Variants in CNTN4 observed in about 807,000 individuals in gnomAD.
CNTN4 encodes contactin-4.
A neutral mutation model predicts 122.5 loss-of-function variants in CNTN4; 77 were observed. The ratio of observed to expected loss-of-function variants is 0.63; its 90% CI spans 0.52 to 0.76. The LOEUF (loss-of-function observed/expected upper bound fraction) is 0.76, where lower values mean the gene tolerates loss of function less well. Ranked by LOEUF, CNTN4 falls within the 30% of genes least tolerant of loss-of-function variation. The pLI is 0.00. For synonymous variants in CNTN4, 512 were observed against 447.0 expected (o/e 1.15, Z -1.83); for missense variants, 1,256 against 1,259.1 (o/e 1.00, Z 0.04).
chr3:2,445,183 A>T (rs544168107), intron 3 of CNTN4, among the ~76,000 whole-genome samples: 8 of 152,194 alleles, frequency 5.3e-5, no homozygotes, highest in African/African-American at 1.9e-4. Flanking sequence ...AGCTCTCCTA[A>T]AATGATGGGA....
chr3:2,319,163 A>T (rs6786307), intron 2 of CNTN4, among the ~76,000 whole-genome samples: 30,375 of 152,126 alleles, frequency 0.2, 3,431 homozygotes, highest in Non-Finnish European at 0.25. Flanking sequence ...TAATCAATAT[A>T]TATCAAATGC....
chr3:2,866,045 T>G (rs1476966471), intron 7 of CNTN4, among the ~76,000 whole-genome samples: 2 of 152,160 alleles, frequency 1.3e-5, no homozygotes, highest in Non-Finnish European at 2.9e-5. Context: ...GTATACTTAA[T>G]GAGTGTTTGC....
chr3:2,214,951 A>C (rs1007499860), intron 2 of CNTN4, among the ~76,000 whole-genome samples: 1 of 152,244 alleles, frequency 6.6e-6, no homozygotes, highest in Non-Finnish European at 1.5e-5. Flanking sequence ...AAATATTCAA[A>C]ACATAATGTA....
At chr3:2,401,066 C>G (rs2046840115) in intron 3 of CNTN4, among the ~76,000 whole-genome samples, 1 of 152,074 alleles carries the variant, frequency 6.6e-6, no homozygotes. Context: ...ATACCAGATA[C>G]TGAAATGGCT....
intron 14 of CNTN4, among the ~76,000 whole-genome samples, chr3:3,020,733 G>A (rs924494906): frequency 1.3e-5 from 2 of 152,156 alleles, no homozygotes; most frequent in African/African-American, 4.8e-5. Flanking sequence ...CTACTTTGGG[G>A]CAATGCAAAA....
intron 3 of CNTN4, among the ~76,000 whole-genome samples, chr3:2,413,650 TCTC>T (rs574314716): frequency 2.4e-3 from 366 of 152,146 alleles, no homozygotes; most frequent in African/African-American, 8.5e-3. Flanking sequence ...TTCAAGTGAT[TCTC>T]CTGCCTCAGC....
intron 4 of CNTN4, among the ~76,000 whole-genome samples, chr3:2,684,217 G>A (rs2085315339): frequency 6.6e-6 from 1 of 152,114 alleles, no homozygotes; most frequent in Non-Finnish European, 1.5e-5. Flanking sequence ...GGATTTGAAA[G>A]CCAATCATTT....
intron 6 of CNTN4, among the ~76,000 whole-genome samples, chr3:2,765,599 T>G (rs2090821921): frequency 6.6e-6 from 1 of 152,206 alleles, no homozygotes; most frequent in African/African-American, 2.4e-5. Flanking sequence ...AATCATCAAT[T>G]AAATATGGGA....
chr3:2,690,535 A>T (rs1576466629), intron 4 of CNTN4, among the ~76,000 whole-genome samples: 1 of 152,088 alleles, frequency 6.6e-6, no homozygotes, highest in Admixed American at 6.6e-5. Context: ...CCATCCATGA[A>T]AGAGGTTGCT....
intron 23 of CNTN4, among the ~76,000 whole-genome samples, chr3:3,048,532 GTGTGTGTGTGTGTATT>G (rs1196194980): frequency 1.3e-5 from 2 of 151,814 alleles, no homozygotes; most frequent in African/African-American, 4.8e-5. Context: ...GTGTGTGTGT[GTGTGTGTGTGTGTATT>G]TGTGTGTGTG....
At chr3:2,398,902 G>C (rs1224945257) in intron 3 of CNTN4, among the ~76,000 whole-genome samples, 1 of 152,064 alleles carries the variant, frequency 6.6e-6, no homozygotes, top group Non-Finnish European at 1.5e-5. Flanking sequence ...ATAAACTATA[G>C]AATATGGAGG....
intron 2 of CNTN4, among the ~76,000 whole-genome samples, chr3:2,147,957 C>T (rs2729015): frequency 0.28 from 43,206 of 152,022 alleles, 6,878 homozygotes; most frequent in South Asian, 0.48. Flanking sequence ...TCTGTTTCAT[C>T]GTGACTCTTC....
At chr3:2,718,046 A>G (rs1409659495) in intron 4 of CNTN4, among the ~76,000 whole-genome samples, 2 of 152,052 alleles carry the variant, frequency 1.3e-5, no homozygotes, top group Non-Finnish European at 2.9e-5. Flanking sequence ...GATTCTTTTC[A>G]TATGTTGAAT....
chr3:2,393,074 G>C (rs1293289397), intron 3 of CNTN4, among the ~76,000 whole-genome samples: 1 of 152,164 alleles, frequency 6.6e-6, no homozygotes, highest in African/African-American at 2.4e-5. Context: ...TCTGAGAGCT[G>C]TGAGCCACTG....
chr3:2,192,674 C>T (rs964950703), intron 2 of CNTN4, among the ~76,000 whole-genome samples: 1 of 152,144 alleles, frequency 6.6e-6, no homozygotes, highest in African/African-American at 2.4e-5. Context: ...CAAAATTCTA[C>T]TTCTTGTGAG....
At chr3:2,719,993 A>G (rs2087741444) in intron 4 of CNTN4, among the ~76,000 whole-genome samples, 2 of 152,126 alleles carry the variant, frequency 1.3e-5, no homozygotes, top group African/African-American at 2.4e-5. Context: ...TGTGGCAGAA[A>G]GAATGATAAA....
intron 2 of CNTN4, among the ~76,000 whole-genome samples, chr3:2,328,262 C>T (rs1021673684): frequency 1.3e-4 from 19 of 150,860 alleles, no homozygotes; most frequent in East Asian, 8.0e-4. Flanking sequence ...AAAAATTAGC[C>T]GGGCGTGGTG....
At chr3:2,554,572 A>G (rs2078643954) in intron 3 of CNTN4, among the ~76,000 whole-genome samples, 1 of 152,176 alleles carries the variant, frequency 6.6e-6, no homozygotes, top group South Asian at 2.1e-4. Context: ...GAGGATCAGC[A>G]AACTTTTCTT....
At chr3:2,792,708 T>C (rs2092049585) in intron 6 of CNTN4, among the ~76,000 whole-genome samples, 1 of 152,240 alleles carries the variant, frequency 6.6e-6, no homozygotes. Flanking sequence ...CTTCTAATAT[T>C]GAAGGGTGTT....
Sources: gnomAD v4.1 joint callset for allele counts (sites outside exome capture counted in the v4.1 genomes callset) on GRCh38, gnomAD v4.1.1 for gene constraint, MANE v1.5 for transcripts, NCBI Gene and HGNC (gene_info 2026-07-23, HGNC 2026-07-21) for gene names.